The following NAALADL2 variants were observed in gnomAD, a reference collection of about 807,000 sequenced individuals.
The protein encoded by NAALADL2 is N-acetylated alpha-linked acidic dipeptidase like 2, also known as inactive N-acetylated-alpha-linked acidic dipeptidase-like protein 2.
NAALADL2 carries 76 observed loss-of-function variants against 87.2 expected under a neutral mutation model. The ratio of observed to expected loss-of-function variants is 0.87; its 90% CI spans 0.72 to 1.05. The LOEUF (loss-of-function observed/expected upper bound fraction) is 1.05, where lower values mean the gene tolerates loss of function less well. Among genes scored for constraint, NAALADL2 ranks in the 50% least tolerant of loss-of-function variants. The probability of loss-of-function intolerance (pLI) is 0.00; values close to 1 mark genes in which losing one functional copy is unlikely to be tolerated. For synonymous variants in NAALADL2, 354 were observed against 331.0 expected, an observed-to-expected ratio of 1.07 and a Z score of -0.75; for missense variants, 1,089 against 945.8, an observed-to-expected ratio of 1.15 and a Z score of -1.99.
At chr3:175,678,731 G>A (rs527551382) in intron 11 of NAALADL2, among the ~76,000 whole-genome samples, 24 of 152,244 alleles carry the variant, frequency 1.6e-4, no homozygotes, top group Non-Finnish European at 2.9e-4. Context: ...TCGTGGGGTG[G>A]GGGGAGAGGT....
chr3:175,613,032 C>A (rs1724850745), intron 10 of NAALADL2, among the ~76,000 whole-genome samples: 1 of 152,208 alleles, frequency 6.6e-6, no homozygotes, highest in Admixed American at 6.5e-5. Context: ...ACAGCTAGGG[C>A]TCTGAGACTT....
intron 5 of NAALADL2, among the ~76,000 whole-genome samples, chr3:175,431,335 T>C (rs1717721970): frequency 6.6e-6 from 1 of 152,074 alleles, no homozygotes; most frequent in South Asian, 2.1e-4. Context: ...CAATATGCAG[T>C]ATCAGAAGGA....
At chr3:175,465,879 T>A (rs984723741) in intron 7 of NAALADL2, among the ~76,000 whole-genome samples, 3 of 152,240 alleles carry the variant, frequency 2.0e-5, no homozygotes, top group Non-Finnish European at 2.9e-5. Flanking sequence ...TCTGGTGTTA[T>A]AAGTCAAAGG....
At chr3:174,839,240 G>C (rs957928392) in intron 3 of NAALADL2, among the ~76,000 whole-genome samples, 26 of 151,994 alleles carry the variant, frequency 1.7e-4, no homozygotes, top group Non-Finnish European at 3.2e-4. Context: ...ACATAAAGTG[G>C]GCAAAGGGCA....
At chr3:175,099,956 A>G (rs1175114674) in intron 2 of NAALADL2, among the ~76,000 whole-genome samples, 3 of 151,424 alleles carry the variant, frequency 2.0e-5, no homozygotes, top group African/African-American at 7.3e-5. Flanking sequence ...TATGTATTTT[A>G]AAATTTTATC....
chr3:175,560,453 A>T (rs2149513737), intron 9 of NAALADL2, among the ~76,000 whole-genome samples: 1 of 150,980 alleles, frequency 6.6e-6, no homozygotes, highest in Admixed American at 6.6e-5. Flanking sequence ...TATTGTTTTT[A>T]TTTCGTTTCA....
At chr3:174,768,887 C>T (rs1714182764) in intron 3 of NAALADL2, among the ~76,000 whole-genome samples, 1 of 151,542 alleles carries the variant, frequency 6.6e-6, no homozygotes, top group Non-Finnish European at 1.5e-5. Context: ...TTTTTTAAGT[C>T]CTTTGTATTC....
At chr3:175,364,980 A>C in intron 5 of NAALADL2, among the ~76,000 whole-genome samples, 2 of 147,718 alleles carry the variant, frequency 1.4e-5, no homozygotes, top group Middle Eastern at 7.0e-3. Flanking sequence ...AAAATCTGAT[A>C]CTGTTAGTGT....
chr3:174,958,914 G>T (rs973441328), intron 1 of NAALADL2, among the ~76,000 whole-genome samples: 1 of 152,012 alleles, frequency 6.6e-6, no homozygotes, highest in African/African-American at 2.4e-5. Context: ...TAAGCACTTA[G>T]CAGTGCAATC....
chr3:174,660,176 T>C (rs949107889), intron 2 of NAALADL2, among the ~76,000 whole-genome samples: 6 of 152,146 alleles, frequency 3.9e-5, no homozygotes, highest in African/African-American at 1.4e-4. Flanking sequence ...GAAATATGTG[T>C]TTATTCAAAA....
intron 1 of NAALADL2, among the ~76,000 whole-genome samples, chr3:174,454,906 T>G (rs750007643): frequency 6.7e-6 from 1 of 149,640 alleles, no homozygotes; most frequent in Non-Finnish European, 1.5e-5. Context: ...TGAAGGAGAC[T>G]GAGACATAGA....
chr3:175,111,372 G>A (rs1724160745), intron 2 of NAALADL2, among the ~76,000 whole-genome samples: 1 of 151,558 alleles, frequency 6.6e-6, no homozygotes, highest in Non-Finnish European at 1.5e-5. Context: ...TTTAATAGAG[G>A]TTACACAGAA....
intron 3 of NAALADL2, among the ~76,000 whole-genome samples, chr3:174,835,016 A>G (rs1404550986): frequency 6.6e-6 from 1 of 151,568 alleles, no homozygotes; most frequent in Non-Finnish European, 1.5e-5. Context: ...ATGCAAAGAA[A>G]TTTGGAAACT....
intron 9 of NAALADL2, among the ~76,000 whole-genome samples, chr3:175,500,738 C>T (rs940043997): frequency 1.6e-4 from 25 of 151,664 alleles, no homozygotes; most frequent in African/African-American, 1.5e-4. Flanking sequence ...AAGAAAGTGG[C>T]GCATAGAGAA....
rs149950990 is a variant in NAALADL2 at position 175,159,109 on chromosome 3, C to T, written c.545+61818C>T. On this transcript the variant is annotated intron_variant, in intron 2 of 13. Coordinates refer to ENST00000454872, the MANE Select transcript of NAALADL2 (RefSeq NM_207015.3). Reference sequence around the variant, plus strand: ...CCAACAAAAGCATATAAATTCAGATCGATTCTTTTAGCTTAATAAAGATGG... The same window carrying T: ...CCAACAAAAGCATATAAATTCAGATTGATTCTTTTAGCTTAATAAAGATGG... 2.6e-3 allele frequency among the ~76,000 whole-genome samples: 394 copies of T among 152,040 alleles called. 1 individual carries two copies. Among genetic ancestry groups the T allele is most frequent in the African/African-American group, 9.2e-3 (381 of 41,514 alleles).
chr3:175,152,952 T>C (rs964016407), intron 2 of NAALADL2, among the ~76,000 whole-genome samples: 1 of 151,846 alleles, frequency 6.6e-6, no homozygotes, highest in African/African-American at 2.4e-5. Flanking sequence ...ATGTTCCCAA[T>C]AGAAGGTACC....
At chr3:175,251,202 G>GTCGTC (rs1231705209) in intron 3 of NAALADL2, among the ~76,000 whole-genome samples, 1 of 152,106 alleles carries the variant, frequency 6.6e-6, no homozygotes, top group Non-Finnish European at 1.5e-5. Flanking sequence ...ACCACTCTTT[G>GTCGTC]TCGTCATCCC....
intron 3 of NAALADL2, among the ~76,000 whole-genome samples, chr3:174,810,184 G>C (rs1336254725): frequency 6.6e-6 from 1 of 152,134 alleles, no homozygotes; most frequent in Non-Finnish European, 1.5e-5. Context: ...TAGTACTTAA[G>C]AGTGGGACAT....
At chr3:175,687,654 G>T (rs185066346) in intron 11 of NAALADL2, among the ~76,000 whole-genome samples, 2 of 152,258 alleles carry the variant, frequency 1.3e-5, no homozygotes, top group Admixed American at 1.3e-4. Flanking sequence ...TTCAGTGTTT[G>T]TCCCCTCCAA....
Sources: allele counts gnomAD v4.1 joint callset (sites outside exome capture counted in the v4.1 genomes callset), GRCh38; gene constraint gnomAD v4.1.1; transcripts MANE v1.5; gene names NCBI Gene and HGNC (gene_info 2026-07-23, HGNC 2026-07-21).